Variants in ADAMTS3 observed in about 807,000 individuals in gnomAD.
ADAMTS3 encodes A disintegrin and metalloproteinase with thrombospondin motifs 3.
Under a neutral mutation model 129.0 loss-of-function variants are expected in ADAMTS3, and 73 were observed. The observed-to-expected ratio is 0.57, with a 90% CI of 0.47 to 0.69. The LOEUF (loss-of-function observed/expected upper bound fraction) is 0.69. ADAMTS3 is among the 30% of genes least tolerant of loss of function. The pLI is 0.00. For synonymous variants in ADAMTS3, 477 were observed against 510.8 expected (o/e 0.93, Z 0.89); for missense variants, 1,457 against 1,514.5 (o/e 0.96, Z 0.63).
At chr4:72,462,497 C>A (rs1399173781) in intron 3 of ADAMTS3, among the ~76,000 whole-genome samples, 3 of 151,796 alleles carry the variant, frequency 2.0e-5, no homozygotes, top group African/African-American at 4.8e-5. Context: ...GGTCACACAC[C>A]ACAAAATGAC....
intron 3 of ADAMTS3, among the ~76,000 whole-genome samples, chr4:72,498,418 T>C (rs759773111): frequency 1.3e-5 from 2 of 151,814 alleles, no homozygotes; most frequent in Non-Finnish European, 2.9e-5. Flanking sequence ...TAAAAAGAGT[T>C]TTACTAGAAA....
intron 3 of ADAMTS3, among the ~76,000 whole-genome samples, chr4:72,532,492 C>T (rs377219936): frequency 1.9e-4 from 2 of 10,640 alleles, no homozygotes; most frequent in African/African-American, 7.8e-4. Flanking sequence ...ATTTAATATG[C>T]ACACACACAC....
chr4:72,330,307 G>A (rs939802663), intron 5 of ADAMTS3, among the ~76,000 whole-genome samples: 3 of 152,026 alleles, frequency 2.0e-5, no homozygotes, highest in Non-Finnish European at 4.4e-5. Context: ...GCATGAATGA[G>A]CCACCATGCC....
intron 3 of ADAMTS3, among the ~76,000 whole-genome samples, chr4:72,528,068 T>C (rs1227413874): frequency 6.6e-6 from 1 of 152,146 alleles, no homozygotes; most frequent in African/African-American, 2.4e-5. Flanking sequence ...AAACAAGTAA[T>C]GTACATGTGG....
chr4:72,323,294 G>C, intron 5 of ADAMTS3, 197 bp from the exon 6 acceptor site: 1 of 558,720 alleles, frequency 1.8e-6, no homozygotes, highest in Non-Finnish European at 3.2e-6. Context: ...TGCTAATTTT[G>C]TAAACTCCAC....
chr4:72,490,203 G>A (rs1719703566), intron 3 of ADAMTS3, among the ~76,000 whole-genome samples: 1 of 151,872 alleles, frequency 6.6e-6, no homozygotes, highest in Admixed American at 6.6e-5. Context: ...TTTTCAAATA[G>A]ATTGTTTTGA....
intron 3 of ADAMTS3, among the ~76,000 whole-genome samples, chr4:72,444,630 T>G (rs549820255): frequency 6.6e-6 from 1 of 151,848 alleles, no homozygotes; most frequent in East Asian, 2.0e-4. Flanking sequence ...GTAAACAAAG[T>G]CTTACACATA....
In ADAMTS3 at chr4:72,318,559, G is replaced by A; in HGVS notation, c.1485+13C>T. On this transcript the variant is annotated intron_variant, in intron 10 of 21. Transcript: ENST00000286657. ...TCGAGCTGCAAAATCTACATCAACT[G>A]TGAGCAACATACCGCGGTGCACATT... 1 of 1,611,946 alleles carries A rather than the reference G, an allele frequency of 6.2e-7. No individual in the cohort carries two copies. The highest frequency in any genetic ancestry group is 8.5e-7 in the Non-Finnish European group (1 of 1,178,968).
intron 3 of ADAMTS3, among the ~76,000 whole-genome samples, chr4:72,508,377 T>A (rs974739167): frequency 6.6e-6 from 1 of 152,110 alleles, no homozygotes; most frequent in African/African-American, 2.4e-5. Flanking sequence ...GAGAGTTATT[T>A]TTATCTTACT....
chr4:72,326,007 G>C (rs551696828), intron 5 of ADAMTS3, among the ~76,000 whole-genome samples: 1 of 152,150 alleles, frequency 6.6e-6, no homozygotes, highest in South Asian at 2.1e-4. Flanking sequence ...ATGAATAAAA[G>C]AGCATTTTTA....
At chr4:72,410,909 T>C (rs1722170902) in intron 4 of ADAMTS3, among the ~76,000 whole-genome samples, 1 of 152,128 alleles carries the variant, frequency 6.6e-6, no homozygotes, top group Non-Finnish European at 1.5e-5. Context: ...GCCAAGTTTA[T>C]GTTTTTTGTG....
At chr4:72,429,364 A>G (rs972453266) in intron 3 of ADAMTS3, among the ~76,000 whole-genome samples, 2 of 152,090 alleles carry the variant, frequency 1.3e-5, no homozygotes, top group Admixed American at 1.3e-4. Flanking sequence ...GTCTTAACAG[A>G]TATTTTATAA....
At chr4:72,421,282 C>CT (rs1553913759) in intron 3 of ADAMTS3, among the ~76,000 whole-genome samples, 1 of 152,218 alleles carries the variant, frequency 6.6e-6, no homozygotes, top group Non-Finnish European at 1.5e-5. Context: ...TCTATCCTAA[C>CT]TTTTTCCCTT....
At chr4:72,514,893 G>A (rs917034847) in intron 3 of ADAMTS3, among the ~76,000 whole-genome samples, 1 of 151,744 alleles carries the variant, frequency 6.6e-6, no homozygotes, top group Non-Finnish European at 1.5e-5. Flanking sequence ...GTGCAGGTTA[G>A]TTACATATGT....
chr4:72,436,798 T>C (rs940174432), intron 3 of ADAMTS3, among the ~76,000 whole-genome samples: 6 of 151,638 alleles, frequency 4.0e-5, no homozygotes, highest in East Asian at 2.0e-4. Context: ...TAGGTGGGAA[T>C]TGAACAATGA....
intron 4 of ADAMTS3, among the ~76,000 whole-genome samples, chr4:72,363,121 TA>T (rs1720770771): frequency 6.6e-6 from 1 of 152,016 alleles, no homozygotes; most frequent in South Asian, 2.1e-4. Context: ...AATAGTAGCA[TA>T]AAATTGCCTT....
chr4:72,382,468 G>A (rs1721318308), intron 4 of ADAMTS3, among the ~76,000 whole-genome samples: 1 of 152,094 alleles, frequency 6.6e-6, no homozygotes. Context: ...ATGGAAGACA[G>A]TATAGAGATT....
intron 3 of ADAMTS3, among the ~76,000 whole-genome samples, chr4:72,539,226 C>A (rs2109774910): frequency 6.6e-6 from 1 of 152,022 alleles, no homozygotes; most frequent in South Asian, 2.1e-4. Flanking sequence ...AAAGGCAACA[C>A]ACAGAATGGA....
chr4:72,539,392 C>G (rs1417578489), intron 3 of ADAMTS3, among the ~76,000 whole-genome samples: 1 of 146,662 alleles, frequency 6.8e-6, no homozygotes, highest in Non-Finnish European at 1.5e-5. Context: ...CCAACAGGCA[C>G]ACGAAGAGAT....
Sources: gnomAD v4.1 joint callset for allele counts (sites outside exome capture counted in the v4.1 genomes callset) on GRCh38, gnomAD v4.1.1 for gene constraint, MANE v1.5 for transcripts, NCBI Gene and HGNC (gene_info 2026-07-23, HGNC 2026-07-21) for gene names.